The following CLOCK variants were observed in gnomAD, a reference collection of about 807,000 sequenced individuals.
CLOCK encodes clock circadian regulator.
CLOCK carries 43 observed loss-of-function variants against 118.4 expected under a neutral mutation model. That is an observed-to-expected ratio of 0.36 (90% CI 0.28 to 0.47). The LOEUF (loss-of-function observed/expected upper bound fraction) is 0.47, where lower values mean the gene tolerates loss of function less well. CLOCK is among the 20% of genes least tolerant of loss of function. CLOCK has a pLI of 1.00. For synonymous variants in CLOCK, 326 were observed against 339.2 expected (o/e 0.96, Z 0.43); for missense variants, 846 against 999.9 (o/e 0.85, Z 2.08).
Position 55,470,740 on chromosome 4 carries a change from T to C in CLOCK, c.415A>G (p.Thr139Ala). The C allele has an allele frequency of 6.2e-7, 1 of 1,609,082 alleles. No homozygotes were observed. Among genetic ancestry groups the C allele is most frequent in the South Asian group, 1.1e-5 (1 of 90,570 alleles). Residue 139 changes from threonine (T) to alanine (A), a missense_variant, in exon 8 of 23, where the codon ACT becomes GCT. By Grantham distance (58) the Thr-to-Ala change is moderately conservative (BLOSUM62 0). Around this residue, in one of 4 missense-constraint regions of CLOCK, gnomAD observed 246 missense variants for 300.2 expected, o/e 0.82. Transcript: ENST00000513440. Reference sequence around the variant, plus strand: ...ACTGGTAAATGTTCAAGTAATGAAGTTACACTCTCAGACACATATATTATG... The same window carrying C: ...ACTGGTAAATGTTCAAGTAATGAAGCTACACTCTCAGACACATATATTATG... ...GSIIYVSESV[T>A]SLLEHLPSDL...
intron 1 of CLOCK, among the ~76,000 whole-genome samples, chr4:55,537,128 G>GT (rs1730954950): frequency 6.6e-6 from 1 of 152,074 alleles, no homozygotes; most frequent in Non-Finnish European, 1.5e-5. Flanking sequence ...TATAGACCCA[G>GT]TAAGACATCA....
chr4:55,522,850 T>C (rs867645425), intron 1 of CLOCK, among the ~76,000 whole-genome samples: 4 of 152,246 alleles, frequency 2.6e-5, no homozygotes, highest in African/African-American at 9.6e-5. Context: ...ACTCTAAGCT[T>C]GAAAGCAAGG....
At chr4:55,453,214 G>C in intron 14 of CLOCK, 85 bp from the exon 15 acceptor site, 1 of 1,084,864 alleles carries the variant, frequency 9.2e-7, no homozygotes, top group South Asian at 1.3e-5. Context: ...GTGTTGTTAC[G>C]TGTCTCATCT....
At chr4:55,461,596 C>T (rs527427035) in intron 9 of CLOCK, among the ~76,000 whole-genome samples, 27 of 152,266 alleles carry the variant, frequency 1.8e-4, no homozygotes, top group Non-Finnish European at 3.1e-4. Flanking sequence ...AAAGCTATCA[C>T]TTGATTTGTA....
rs901239398 is a variant in CLOCK at position 55,462,225 on chromosome 4, T to C, written c.559+1460A>G. ...GTTCTCCAGTCGATTTTATTCTTAG[T>C]AGGGTCTTCAAAGCAAACGCCTTCT... On this transcript the variant is annotated intron_variant, in intron 9 of 22. Coordinates refer to ENST00000513440, the MANE Select transcript of CLOCK (RefSeq NM_004898.4). Among the ~76,000 whole-genome samples the C allele has an allele frequency of 2.6e-5, 4 of 152,230 alleles. No individual in the cohort carries two copies. In the East Asian group the frequency reaches 5.8e-4, roughly 22 times the overall value.
chr4:55,536,384 T>C (rs557558793), intron 1 of CLOCK, among the ~76,000 whole-genome samples: 2 of 152,170 alleles, frequency 1.3e-5, no homozygotes, highest in African/African-American at 4.8e-5. Context: ...ATTCCCAATG[T>C]TGGAAGTTGG....
At chr4:55,475,323 T>G (rs541896410) in intron 7 of CLOCK, among the ~76,000 whole-genome samples, 17 of 152,320 alleles carry the variant, frequency 1.1e-4, no homozygotes, top group Admixed American at 3.3e-4. Context: ...GAGGAGTTGC[T>G]CCACTGATGA....
chr4:55,448,245 C>G (rs751219327), intron 18 of CLOCK, among the ~76,000 whole-genome samples: 4 of 152,152 alleles, frequency 2.6e-5, no homozygotes, highest in Non-Finnish European at 5.9e-5. Context: ...GCCTGTTACA[C>G]ACAAAGAACT....
intron 2 of CLOCK, among the ~76,000 whole-genome samples, chr4:55,509,248 A>T (rs763098291): frequency 4.6e-5 from 7 of 152,232 alleles, no homozygotes; most frequent in Non-Finnish European, 8.8e-5. Flanking sequence ...GCATGACTGT[A>T]CTTAACTGCT....
At chr4:55,438,195 A>G (rs980950789) in intron 22 of CLOCK, 87 bp downstream of exon 22, 13 of 1,477,362 alleles carry the variant, frequency 8.8e-6, no homozygotes, top group Non-Finnish European at 1.1e-5. Context: ...AATTTTTCAC[A>G]TCACTCACAA....
At chr4:55,465,929 G>A (rs140487884) in intron 8 of CLOCK, among the ~76,000 whole-genome samples, 7 of 150,684 alleles carry the variant, frequency 4.6e-5, no homozygotes, top group Non-Finnish European at 8.8e-5. Flanking sequence ...TCAAGCCTGG[G>A]TGACAGAATA....
intron 7 of CLOCK, among the ~76,000 whole-genome samples, chr4:55,472,211 A>C (rs1726197597): frequency 6.6e-6 from 1 of 152,238 alleles, no homozygotes; most frequent in Admixed American, 6.5e-5. Flanking sequence ...ATAAAGAATA[A>C]GAAAATGAGA....
intron 2 of CLOCK, among the ~76,000 whole-genome samples, chr4:55,508,814 G>C (rs570521855): frequency 1.2e-4 from 19 of 152,198 alleles, no homozygotes; most frequent in African/African-American, 4.1e-4. Context: ...GGATGGTCTC[G>C]ATATCCTGAC....
At chr4:55,444,021 T>G (rs1282574191) in intron 19 of CLOCK, 125 bp from the exon 20 acceptor site, 1 of 740,350 alleles carries the variant, frequency 1.4e-6, no homozygotes, top group African/African-American at 1.8e-5. Flanking sequence ...TAAGTCACTT[T>G]GAAGAATTAG....
intron 13 of CLOCK, 25 bp from the exon 14 acceptor site, chr4:55,453,849 TTTTC>T (rs768483196): frequency 1.1e-5 from 17 of 1,519,142 alleles, no homozygotes; most frequent in African/African-American, 1.1e-4. Flanking sequence ...GAGAAATATT[TTTTC>T]TTTAATTCAT....
intron 3 of CLOCK, among the ~76,000 whole-genome samples, chr4:55,488,271 G>A (rs1727434272): frequency 6.6e-6 from 1 of 152,134 alleles, no homozygotes; most frequent in African/African-American, 2.4e-5. Flanking sequence ...ACTGGCATGT[G>A]CCAGGGCTGA....
In CLOCK at chr4:55,500,429, G is replaced by A. The variant is rs371606834; in HGVS notation, c.-136+9483C>T. On this transcript the variant is annotated intron_variant, in intron 2 of 22. Transcript: ENST00000513440. The stretch of plus-strand genomic sequence containing the variant: ...TGTGAACACAGCTCACTGCAGCCTC[G>A]ACCTCCTGGGCTCAAGCAATTCCCT... Among the ~76,000 whole-genome samples, 3 of 152,160 alleles carry A rather than the reference G, an allele frequency of 2.0e-5. No homozygotes were observed. In the South Asian group the frequency reaches 6.2e-4, roughly 32 times the overall value.
At chr4:55,529,473 A>G (rs1465759675) in intron 1 of CLOCK, among the ~76,000 whole-genome samples, 1 of 152,224 alleles carries the variant, frequency 6.6e-6, no homozygotes, top group Non-Finnish European at 1.5e-5. Flanking sequence ...ACCAAGACAA[A>G]TAAATAGATC....
intron 3 of CLOCK, among the ~76,000 whole-genome samples, chr4:55,485,081 A>C (rs543864485): frequency 2.2e-4 from 34 of 152,060 alleles, no homozygotes; most frequent in Non-Finnish European, 4.4e-4. Flanking sequence ...CTCCTGCCTC[A>C]GCCTCCTGAG....
Sources: gnomAD v4.1 joint callset for allele counts (sites outside exome capture counted in the v4.1 genomes callset) on GRCh38, gnomAD v4.1.1 for gene constraint, gnomAD v4.1.1 regional missense constraint, MANE v1.5 for transcripts, NCBI Gene and HGNC (gene_info 2026-07-23, HGNC 2026-07-21) for gene names.